The following ZFHX3 variants were observed in gnomAD, a reference collection of about 807,000 sequenced individuals.
The protein encoded by ZFHX3 is zinc finger homeobox 3, also known as zinc finger homeobox protein 3.
In ZFHX3, 42 loss-of-function variants were observed where a neutral mutation model predicts 279.1. The observed-to-expected ratio is 0.15, with a 90% CI of 0.12 to 0.19. The LOEUF (loss-of-function observed/expected upper bound fraction) is 0.19. ZFHX3 is among the 10% of genes least tolerant of loss of function. The pLI is 1.00. For missense variants in ZFHX3, 4,981 were observed against 4,754.0 expected (o/e 1.05, Z -1.40); for synonymous variants, 2,293 against 1,957.8 (o/e 1.17, Z -4.52).
chr16:73,096,094 C>G (rs1966158734), intron 7 of ZFHX3, among the ~76,000 whole-genome samples: 1 of 152,192 alleles, frequency 6.6e-6, no homozygotes, highest in Non-Finnish European at 1.5e-5. Context: ...TTGGAAGCCA[C>G]TAGCCCTCCT....
intron 3 of ZFHX3, among the ~76,000 whole-genome samples, chr16:73,423,662 G>A (rs1158882441): frequency 2.0e-5 from 3 of 152,156 alleles, no homozygotes; most frequent in African/African-American, 7.2e-5. Flanking sequence ...AGGAGTTTGA[G>A]AGCAGCCTGG....
chr16:73,656,347 T>C (rs545048920), intron 2 of ZFHX3, among the ~76,000 whole-genome samples: 3 of 152,318 alleles, frequency 2.0e-5, no homozygotes, highest in African/African-American at 7.2e-5. Context: ...AGAGAATACA[T>C]ACCAAATTAT....
chr16:72,950,519 G>A lies in ZFHX3; in HGVS notation c.3166C>T (p.Arg1056Trp). 5.0e-6 allele frequency: 8 copies of A among 1,614,208 alleles called. No homozygotes were observed. The highest frequency in any genetic ancestry group is 1.1e-5 in the South Asian group (1 of 91,082). Residue 1056 changes from arginine (R) to tryptophan (W), a missense_variant, in exon 3 of 10, where the codon CGG becomes TGG. Arg to Trp is a moderately radical substitution (Grantham distance 101). Around this residue, in one of 7 missense-constraint regions of ZFHX3, gnomAD observed 1,751 missense variants for 1,770.0 expected, o/e 0.99. Transcript: ENST00000268489. ...TGCCTGGAGTTGACCGTGTGCAGCC[G>A]CAGCTTCTCCAGGCTGTTGGTGTAG... ...DYYTNSLEKL[R>W]LHTVNSRHEA...
At chr16:73,614,874 C>T (rs948213259) in intron 2 of ZFHX3, among the ~76,000 whole-genome samples, 1 of 152,108 alleles carries the variant, frequency 6.6e-6, no homozygotes, top group Non-Finnish European at 1.5e-5. Flanking sequence ...ATCCTCCCTC[C>T]TCAGCCTCCT....
chr16:73,411,625 T>C (rs904504786), intron 3 of ZFHX3, among the ~76,000 whole-genome samples: 3 of 152,224 alleles, frequency 2.0e-5, no homozygotes, highest in Admixed American at 6.5e-5. Flanking sequence ...TACCTTGTTT[T>C]AAAATTTTAA....
intron 1 of ZFHX3, among the ~76,000 whole-genome samples, chr16:73,705,460 G>A (rs1042584207): frequency 6.6e-6 from 1 of 152,198 alleles, no homozygotes; most frequent in Non-Finnish European, 1.5e-5. Context: ...CTCTGATGCT[G>A]CAAAGGCGAG....
intron 2 of ZFHX3, among the ~76,000 whole-genome samples, chr16:73,473,560 CA>C (rs1432527433): frequency 6.6e-6 from 1 of 152,100 alleles, no homozygotes. Context: ...AGTAGAATCA[CA>C]GGGCTCCACT....
chr16:73,873,098 A>G (rs1451163530), intron 1 of ZFHX3, among the ~76,000 whole-genome samples: 7 of 22,378 alleles, frequency 3.1e-4, no homozygotes, highest in African/African-American at 1.1e-3. Flanking sequence ...GGTGGGTGGT[A>G]GTGGGTGGTG....
chr16:72,902,358 C>T (rs1022722975), intron 3 of ZFHX3, among the ~76,000 whole-genome samples: 3 of 152,270 alleles, frequency 2.0e-5, no homozygotes, highest in South Asian at 2.1e-4. Context: ...ATCAATAGCC[C>T]GGACCAGCTT....
At chr16:73,300,325 A>G (rs1431373369) in intron 4 of ZFHX3, among the ~76,000 whole-genome samples, 5 of 151,436 alleles carry the variant, frequency 3.3e-5, no homozygotes, top group African/African-American at 1.2e-4. Flanking sequence ...TAAAGATTCC[A>G]TGAGGCCATT....
chr16:73,426,151 G>T (rs2017806781), intron 3 of ZFHX3, among the ~76,000 whole-genome samples: 2 of 152,164 alleles, frequency 1.3e-5, no homozygotes, highest in Admixed American at 1.3e-4. Flanking sequence ...GGTTGTGATG[G>T]CCAGAGCTCA....
chr16:73,319,157 C>G (rs1233821594), intron 3 of ZFHX3, among the ~76,000 whole-genome samples: 1 of 151,806 alleles, frequency 6.6e-6, no homozygotes, highest in Non-Finnish European at 1.5e-5. Context: ...GTAATAGATG[C>G]GCCATGTGCA....
At chr16:73,841,990 G>A (rs1961320904) in intron 1 of ZFHX3, among the ~76,000 whole-genome samples, 2 of 151,962 alleles carry the variant, frequency 1.3e-5, no homozygotes, top group Non-Finnish European at 2.9e-5. Context: ...TGAGGCAGGT[G>A]GATCACTTGA....
At chr16:72,885,700 G>A (rs542092264) in intron 4 of ZFHX3, among the ~76,000 whole-genome samples, 3 of 152,324 alleles carry the variant, frequency 2.0e-5, no homozygotes, top group African/African-American at 7.2e-5. Context: ...GAAAGGACAA[G>A]GGGTTATTTC....
chr16:73,055,735 C>CGT (rs1236989755), intron 1 of ZFHX3, among the ~76,000 whole-genome samples: 12 of 146,744 alleles, frequency 8.2e-5, no homozygotes, highest in African/African-American at 3.0e-4. Flanking sequence ...CACACACACA[C>CGT]ACGTCAGGAC....
At chr16:73,554,626 T>G (rs2020247299) in intron 2 of ZFHX3, 2 of 152,208 alleles carry the variant, frequency 1.3e-5, no homozygotes, top group South Asian at 4.1e-4. Flanking sequence ...TGGCAAACTG[T>G]GGCTAATTTC....
In ZFHX3 at chr16:72,811,972, G is replaced by A. The variant is rs2143595732; in HGVS notation, c.3596C>T (p.Pro1199Leu). 6.2e-7 allele frequency: 1 copy of A among 1,614,160 alleles called. No individual in the cohort carries two copies. Among genetic ancestry groups the A allele is most frequent in the Non-Finnish European group, 8.5e-7 (1 of 1,180,042 alleles). The change falls in exon 6 of 10, where the codon CCA becomes CTA. Residue 1199 changes from proline to leucine, a missense_variant. Physicochemically the swap from Pro to Leu is moderately conservative, Grantham distance 98 (BLOSUM62 -3). Coordinates refer to ENST00000268489, the MANE Select transcript of ZFHX3 (RefSeq NM_006885.4). The stretch of plus-strand genomic sequence containing the variant: ...AGAGAGGGGAGACTCTGAGCTACCT[G>A]GGAAGGAGATGCGTTTGGAGGTTGC... Reference protein sequence around the residue: ...SPATSKRISFPGSSESPLSSK... With the variant: ...SPATSKRISFLGSSESPLSSK...
At chr16:73,605,030 T>C (rs915754990) in intron 2 of ZFHX3, among the ~76,000 whole-genome samples, 3 of 152,200 alleles carry the variant, frequency 2.0e-5, no homozygotes, top group Non-Finnish European at 4.4e-5. Context: ...CTAACTGCTA[T>C]ACCCCAGCTC....
intron 4 of ZFHX3, among the ~76,000 whole-genome samples, chr16:73,278,808 C>G (rs2014379442): frequency 6.6e-6 from 1 of 152,120 alleles, no homozygotes; most frequent in South Asian, 2.1e-4. Context: ...CCTCTTGCTA[C>G]AGAGCGCTGA....
Sources: gnomAD v4.1 joint callset for allele counts (sites outside exome capture counted in the v4.1 genomes callset) on GRCh38, gnomAD v4.1.1 for gene constraint, gnomAD v4.1.1 regional missense constraint, MANE v1.5 for transcripts, NCBI Gene and HGNC (gene_info 2026-07-23, HGNC 2026-07-21) for gene names.